PCGF6: variants seen among roughly 807,000 people sequenced by gnomAD.
PCGF6 encodes polycomb group ring finger 6.
Under a neutral mutation model 45.5 loss-of-function variants are expected in PCGF6, and 24 were observed. The observed-to-expected ratio is 0.53, with a 90% CI of 0.38 to 0.74. PCGF6 has a LOEUF of 0.74. Ranked by LOEUF, PCGF6 falls within the 30% of genes least tolerant of loss-of-function variation. The pLI is 0.00. For missense variants in PCGF6, 356 were observed against 443.2 expected, an observed-to-expected ratio of 0.80 and a Z score of 1.77; for synonymous variants, 152 against 162.1, an observed-to-expected ratio of 0.94 and a Z score of 0.47.
chr10:103,310,794 C>T (rs1265483981), intron 9 of PCGF6, among the ~76,000 whole-genome samples: 2 of 152,058 alleles, frequency 1.3e-5, no homozygotes, highest in Non-Finnish European at 2.9e-5. Context: ...CTCAACCTCT[C>T]GGGTCAATCA....
At chr10:103,350,330 T>G (rs1243334591) in intron 1 of PCGF6, among the ~76,000 whole-genome samples, 1 of 150,632 alleles carries the variant, frequency 6.6e-6, no homozygotes, top group African/African-American at 2.4e-5. Context: ...TCCCAGCTAC[T>G]CCGGAGGCTG....
At chr10:103,309,196 T>TGG (rs57497944) in intron 9 of PCGF6, among the ~76,000 whole-genome samples, 390 of 132,682 alleles carry the variant, frequency 2.9e-3, no homozygotes, top group African/African-American at 6.2e-3. Context: ...TGAGATTTGG[T>TGG]GGGGGGGGGG....
chr10:103,305,025 C>T (rs747781725), intron 9 of PCGF6, among the ~76,000 whole-genome samples: 11 of 152,072 alleles, frequency 7.2e-5, no homozygotes, highest in Non-Finnish European at 1.0e-4. Flanking sequence ...TGCAATGGCG[C>T]GATCATAGCT....
At chr10:103,337,214 G>A (rs985974875) in intron 6 of PCGF6, among the ~76,000 whole-genome samples, 3 of 151,960 alleles carry the variant, frequency 2.0e-5, no homozygotes, top group South Asian at 2.1e-4. Context: ...TACTACTCTC[G>A]GGTTTACTAA....
chr10:103,344,912 A>G (rs1352856765), intron 6 of PCGF6, 112 bp downstream of exon 6: 1 of 695,762 alleles, frequency 1.4e-6, no homozygotes, highest in African/African-American at 1.8e-5. Context: ...CAGTTATTTC[A>G]TAATTTTCCA....
intron 6 of PCGF6, among the ~76,000 whole-genome samples, chr10:103,342,027 C>G (rs762196431): frequency 2.0e-5 from 3 of 151,930 alleles, no homozygotes; most frequent in Non-Finnish European, 4.4e-5. Flanking sequence ...CGTCCACCTC[C>G]CAATTCAAGC....
In PCGF6 at chr10:103,349,479, G is replaced by GTTTTTT. The variant is rs11450842; in HGVS notation, c.361-486_361-481dup. 2.5e-4 allele frequency among the ~76,000 whole-genome samples: 27 copies of GTTTTTT among 108,160 alleles called. 2 individuals are homozygous for GTTTTTT. Among genetic ancestry groups the GTTTTTT allele is most frequent in the Middle Eastern group, 7.6e-3 (1 of 132 alleles). The allele number at this position is 108,160 out of a possible 152,430, so 71.0% of individuals were successfully genotyped here. On this transcript the variant is annotated intron_variant, in intron 1 of 9. Transcript: ENST00000369847. ...TATAAATTATTGTTTCTTTCTTTCCGTTTTTTTTTTTTTTTTTTTGAGAGG... is the reference window on the plus strand; with the variant it reads ...TATAAATTATTGTTTCTTTCTTTCCGTTTTTTTTTTTTTTTTTTTTTTTTTGAGAGG...
chr10:103,303,531 A>C lies in PCGF6; in HGVS notation c.*374T>G, dbSNP rs913245491. The C allele has an allele frequency of 4.1e-5, 7 of 170,422 alleles. No individual in the cohort carries two copies. The highest frequency in any genetic ancestry group is 1.4e-4 in the African/African-American group (6 of 42,072). The allele number at this position is 170,422 out of a possible 1,614,324, so 10.6% of individuals were successfully genotyped here. A position where few individuals can be genotyped will look rare whatever the true frequency, so the allele number is the denominator to read the frequency against. ...TTCTCTTCCAAAAAGATGACTGCCC[A>C]ACTGATGCCATCCCAGAGAGCAGAT... On this transcript the variant is annotated 3_prime_UTR_variant, in exon 10 of 10. Coordinates refer to ENST00000369847, the MANE Select transcript of PCGF6 (RefSeq NM_001011663.2).
At chr10:103,341,185 C>T (rs1432386732) in intron 6 of PCGF6, among the ~76,000 whole-genome samples, 9 of 150,456 alleles carry the variant, frequency 6.0e-5, no homozygotes, top group Middle Eastern at 3.2e-3. Flanking sequence ...GCCGAGATTG[C>T]GCCATTGCAC....
chr10:103,344,274 T>C (rs997756942), intron 6 of PCGF6, among the ~76,000 whole-genome samples: 17 of 126,994 alleles, frequency 1.3e-4, no homozygotes, highest in Admixed American at 7.5e-4. Context: ...TGACAAACAC[T>C]TTTTTTTTTT....
chr10:103,341,421 T>A (rs1245571134), intron 6 of PCGF6, among the ~76,000 whole-genome samples: 1 of 151,012 alleles, frequency 6.6e-6, no homozygotes, highest in Non-Finnish European at 1.5e-5. Flanking sequence ...CATGCCTGGC[T>A]AATTTTTGTA....
intron 7 of PCGF6, among the ~76,000 whole-genome samples, chr10:103,333,456 G>GT (rs1393376027): frequency 2.6e-5 from 4 of 152,032 alleles, no homozygotes; most frequent in African/African-American, 9.7e-5. Flanking sequence ...CATTATAGTA[G>GT]TAACACTGTA....
intron 6 of PCGF6, among the ~76,000 whole-genome samples, chr10:103,340,198 A>AAAAT (rs1554865190): frequency 5.7e-5 from 5 of 87,906 alleles, no homozygotes; most frequent in African/African-American, 2.7e-4. Flanking sequence ...AAAAAAAAAA[A>AAAAT]ATATATATAT....
chr10:103,330,009 C>G (rs903119537), intron 7 of PCGF6, among the ~76,000 whole-genome samples: 1 of 151,312 alleles, frequency 6.6e-6, no homozygotes, highest in Non-Finnish European at 1.5e-5. Flanking sequence ...GACTCGTGAT[C>G]CACCCGCCTC....
At chr10:103,327,878 T>C (rs2093225129) in intron 7 of PCGF6, among the ~76,000 whole-genome samples, 1 of 151,040 alleles carries the variant, frequency 6.6e-6, no homozygotes, top group Non-Finnish European at 1.5e-5. Context: ...AGGGTTTCAC[T>C]GTTAGCCAGC....
chr10:103,341,923 G>A (rs374711599), intron 6 of PCGF6, among the ~76,000 whole-genome samples: 1 of 151,804 alleles, frequency 6.6e-6, no homozygotes. Flanking sequence ...CGCTTCCTAG[G>A]GGCACTGCCA....
chr10:103,348,179 T>A (rs1564736328), intron 3 of PCGF6, among the ~76,000 whole-genome samples: 1 of 152,194 alleles, frequency 6.6e-6, no homozygotes, highest in Non-Finnish European at 1.5e-5. Flanking sequence ...CTCATTAACC[T>A]GAGTAAGTGA....
rs535264420 is a variant in PCGF6 at position 103,330,135 on chromosome 10, C to T, written c.811-3503G>A. ...TTTAGCCCAGGCTGGAATGCAGTGGCGCAATCTCGGCTCACTGCAGCCTCT... is the reference window on the plus strand; with the variant it reads ...TTTAGCCCAGGCTGGAATGCAGTGGTGCAATCTCGGCTCACTGCAGCCTCT... On this transcript the variant is annotated intron_variant, in intron 7 of 9. Coordinates refer to ENST00000369847, the MANE Select transcript of PCGF6 (RefSeq NM_001011663.2). Among the ~76,000 whole-genome samples, 9 of 151,588 alleles carry T rather than the reference C, an allele frequency of 5.9e-5. No homozygotes were observed. In the East Asian group the frequency reaches 1.7e-3, roughly 29 times the overall value.
intron 7 of PCGF6, among the ~76,000 whole-genome samples, chr10:103,331,281 T>C (rs1302350309): frequency 2.0e-5 from 3 of 152,098 alleles, no homozygotes; most frequent in African/African-American, 7.2e-5. Context: ...GAGACAGAGG[T>C]TCGCTCTTTT....
Sources: gnomAD v4.1 joint callset for allele counts (sites outside exome capture counted in the v4.1 genomes callset) on GRCh38, gnomAD v4.1.1 for gene constraint, MANE v1.5 for transcripts, NCBI Gene and HGNC (gene_info 2026-07-23, HGNC 2026-07-21) for gene names.